GRAMD4: variants seen among roughly 807,000 people sequenced by gnomAD.
GRAMD4 encodes GRAM domain containing 4, also known as GRAM domain-containing protein 4.
GRAMD4 carries 25 observed loss-of-function variants against 83.9 expected under a neutral mutation model. That is an observed-to-expected ratio of 0.30 (90% confidence interval 0.22 to 0.42). The LOEUF (loss-of-function observed/expected upper bound fraction) is 0.42, where lower values mean the gene tolerates loss of function less well. Ranked by LOEUF, GRAMD4 falls within the 10% of genes least tolerant of loss-of-function variation. GRAMD4 has a pLI of 1.00. For synonymous variants in GRAMD4, 336 were observed against 320.9 expected, an observed-to-expected ratio of 1.05 and a Z score of -0.50; for missense variants, 593 against 788.7, an observed-to-expected ratio of 0.75 and a Z score of 2.97.
intron 8 of GRAMD4, among the ~76,000 whole-genome samples, chr22:46,665,406 C>T (rs2082392616): frequency 2.0e-5 from 3 of 152,206 alleles, no homozygotes; most frequent in Admixed American, 1.3e-4. Context: ...CCCTAGGTGT[C>T]TCCTGGCTTC....
chr22:46,623,691 C>T (rs923746850), intron 1 of GRAMD4, among the ~76,000 whole-genome samples: 33 of 152,196 alleles, frequency 2.2e-4, no homozygotes, highest in African/African-American at 7.2e-4. Context: ...CCACCATGCC[C>T]GGCCTAGTTT....
intron 2 of GRAMD4, among the ~76,000 whole-genome samples, chr22:46,631,368 C>T (rs991313646): frequency 7.9e-5 from 12 of 152,248 alleles, no homozygotes; most frequent in East Asian, 7.7e-4. Context: ...GCCTGCATTC[C>T]GCCTCCTGTC....
chr22:46,641,041 G>A (rs1430136635), intron 3 of GRAMD4, among the ~76,000 whole-genome samples: 3 of 146,450 alleles, frequency 2.0e-5, no homozygotes, highest in Non-Finnish European at 3.0e-5. Context: ...ACTCCAGCCC[G>A]GATGACAGAG....
chr22:46,666,968 G>C (rs2082419317), intron 10 of GRAMD4, 95 bp downstream of exon 10: 1 of 883,780 alleles, frequency 1.1e-6, no homozygotes, highest in African/African-American at 1.8e-5. Context: ...CTCTGGATGA[G>C]GCCATGTGGT....
In GRAMD4 at chr22:46,669,081, G is replaced by A. The variant is rs183426174; in HGVS notation, c.1084+173G>A. Among the ~76,000 whole-genome samples, 930 of 152,176 alleles carry A rather than the reference G, an allele frequency of 6.1e-3. 13 individuals are homozygous for A. Among genetic ancestry groups the A allele is most frequent in the Non-Finnish European group, 7.6e-3 (516 of 68,006 alleles). On this transcript the variant is annotated intron_variant, in intron 13 of 18. Coordinates refer to ENST00000406902, the MANE Select transcript of GRAMD4 (RefSeq NM_015124.5). ...AGAAGTGAAGCCCATCCGAGATCGA[G>A]GGACACGGTGATTGTTTCTTAAATC...
rs556503090 is a variant in GRAMD4 at position 46,622,445 on chromosome 22, G to C, written c.-50+1880G>C. ...TACATTGCTACACTTCCCCTAGCCC[G>C]TTCATCCTTCCTTTTTAAACATTAA... On this transcript the variant is annotated intron_variant, in intron 1 of 18. Coordinates refer to ENST00000406902, the MANE Select transcript of GRAMD4 (RefSeq NM_015124.5). This position sits in a 1 kb window ranked among gnomAD's most constrained non-coding sequence, Gnocchi z 4.0. 6.6e-6 allele frequency among the ~76,000 whole-genome samples: 1 copy of C among 152,278 alleles called. No individual in the cohort carries two copies. The highest frequency in any genetic ancestry group is 2.4e-5 in the African/African-American group (1 of 41,552).
intron 1 of GRAMD4, among the ~76,000 whole-genome samples, chr22:46,590,408 C>T (rs76664651): frequency 0.1 from 15,455 of 152,154 alleles, 885 homozygotes; most frequent in East Asian, 0.27. Context: ...GAGAAGGTGC[C>T]GGGGATGGGT....
At chr22:46,653,050 A>G (rs964361567) in intron 3 of GRAMD4, among the ~76,000 whole-genome samples, 13 of 152,060 alleles carry the variant, frequency 8.5e-5, no homozygotes, top group African/African-American at 1.4e-4. Flanking sequence ...CAGAGATAGG[A>G]AGGACTCATG....
rs552847447 is a variant in GRAMD4, at chr22:46,679,485, G to A, written c.*2234G>A. ...GATCGGCACGGGCTCTGGGCTCCCC[G>A]TGGAGAGAAGCTGTAGTTTTTACCA... On this transcript the variant is annotated 3_prime_UTR_variant, in exon 19 of 19. Transcript: ENST00000406902. 123 of 985,594 alleles carry A rather than the reference G, an allele frequency of 1.2e-4. No homozygotes were observed. The highest frequency in any genetic ancestry group is 5.9e-4 in the African/African-American group (34 of 57,370). The allele number at this position is 985,594 out of a possible 1,614,324, so 61.1% of individuals were successfully genotyped here.
chr22:46,599,155 C>T (rs896612287), intron 1 of GRAMD4, among the ~76,000 whole-genome samples: 2 of 152,050 alleles, frequency 1.3e-5, no homozygotes, highest in East Asian at 1.9e-4. Context: ...CCTTTGTTAA[C>T]AGATGGGACC....
At chr22:46,641,626 A>G (rs753231067) in intron 3 of GRAMD4, among the ~76,000 whole-genome samples, 35 of 152,170 alleles carry the variant, frequency 2.3e-4, no homozygotes, top group Non-Finnish European at 3.5e-4. Context: ...AAGGCGGCCT[A>G]ACATGGTCCA....
At chr22:46,674,609 C>T in intron 15 of GRAMD4, 48 bp from the exon 16 acceptor site, 1 of 1,279,262 alleles carries the variant, frequency 7.8e-7, no homozygotes, top group Non-Finnish European at 1.1e-6. Flanking sequence ...AGGTCAGAGG[C>T]TGGGTACTTC....
chr22:46,654,315 C>T lies in GRAMD4; in HGVS notation c.284-3872C>T, dbSNP rs541316262. Among the ~76,000 whole-genome samples, 364 of 152,336 alleles carry T rather than the reference C, an allele frequency of 2.4e-3. 1 individual carries two copies. Among genetic ancestry groups the T allele is most frequent in the Non-Finnish European group, 4.2e-3 (287 of 68,016 alleles). On this transcript the variant is annotated intron_variant, in intron 3 of 18. Coordinates refer to ENST00000406902, the MANE Select transcript of GRAMD4 (RefSeq NM_015124.5). ...GACCCGCCCACCAAGGGCTTCAGGG[C>T]CAGCCCGGGCTCACGCAGTGGGTTC...
downstream of GRAMD4, among the ~76,000 whole-genome samples, chr22:46,680,597 C>T (rs1376788952): frequency 3.6e-4 from 47 of 131,732 alleles, no homozygotes; most frequent in African/African-American, 9.0e-4. Flanking sequence ...CATCCATCCA[C>T]CCACCCATTC....
chr22:46,668,688 G>C lies in GRAMD4; in HGVS notation c.931-1G>C. ...GTAATTGCTGTTTCTCCTTCACACA[G>C]AACCTTTTCGGGAAGATGGCTGACA... On this transcript the variant is annotated splice_acceptor_variant, in intron 11 of 18. Transcript: ENST00000406902. LOFTEE classifies it high-confidence loss of function. 2.5e-6 allele frequency: 4 copies of C among 1,612,298 alleles called. No individual in the cohort carries two copies. Among genetic ancestry groups the C allele is most frequent in the Non-Finnish European group, 3.4e-6 (4 of 1,179,320 alleles).
intron 1 of GRAMD4, among the ~76,000 whole-genome samples, chr22:46,578,869 C>A (rs945244996): frequency 6.6e-6 from 1 of 152,176 alleles, no homozygotes; most frequent in African/African-American, 2.4e-5. Context: ...TTTGTGGTCC[C>A]GGGGCAGACC....
intron 3 of GRAMD4, 114 bp downstream of exon 3, chr22:46,638,074 A>C: frequency 8.9e-7 from 1 of 1,123,296 alleles, no homozygotes; most frequent in Non-Finnish European, 1.3e-6. Flanking sequence ...CGCAGGCTCC[A>C]TCGCTGGACA....
Position 46,659,427 on chromosome 22 carries a change from TTGTC to T in GRAMD4, c.404+1124_404+1127del, listed in dbSNP as rs1438922852. 1.3e-5 allele frequency among the ~76,000 whole-genome samples: 2 copies of T among 152,050 alleles called. No homozygotes were observed. Among genetic ancestry groups the T allele is most frequent in the African/African-American group, 4.8e-5 (2 of 41,418 alleles). Reference sequence around the variant, plus strand: ...CCTCCCACCACCATTGGCCACACCTTTGTCTGTGGCCCCCATGACCTGCATGGAT... The same window carrying T: ...CCTCCCACCACCATTGGCCACACCTTTGTGGCCCCCATGACCTGCATGGAT... On this transcript the variant is annotated intron_variant, in intron 4 of 18. Transcript: ENST00000406902. The surrounding 1 kb of genome is among the most constrained non-coding windows in gnomAD (Gnocchi z 4.1).
At chr22:46,664,781 G>A (rs1049853557) in intron 8 of GRAMD4, among the ~76,000 whole-genome samples, 2 of 152,222 alleles carry the variant, frequency 1.3e-5, no homozygotes, top group Non-Finnish European at 2.9e-5. Context: ...GAGAGGAGGC[G>A]TCCACAGCCT....
Sources: gnomAD v4.1 joint callset for allele counts (sites outside exome capture counted in the v4.1 genomes callset) on GRCh38, gnomAD v4.1.1 for gene constraint, Gnocchi (gnomAD v3.1) non-coding constraint, MANE v1.5 for transcripts, NCBI Gene and HGNC (gene_info 2026-07-23, HGNC 2026-07-21) for gene names.